DHRS4: variants seen among roughly 807,000 people sequenced by gnomAD.
DHRS4 encodes the protein dehydrogenase/reductase SDR family member 4.
A neutral mutation model predicts 28.4 loss-of-function variants in DHRS4; 20 were observed. That is an observed-to-expected ratio of 0.71 (90% CI 0.50 to 1.02). DHRS4 has a LOEUF of 1.02. DHRS4 is among the 50% of genes least tolerant of loss of function. The pLI, the probability that DHRS4 is intolerant of heterozygous loss-of-function variation, is 0.00. For synonymous variants in DHRS4, 144 were observed against 146.4 expected, an observed-to-expected ratio of 0.98 and a Z score of 0.12; for missense variants, 378 against 367.2, an observed-to-expected ratio of 1.03 and a Z score of -0.24.
intron 2 of DHRS4, among the ~76,000 whole-genome samples, chr14:23,959,385 C>G (rs1445769910): frequency 6.6e-5 from 10 of 152,124 alleles, no homozygotes; most frequent in Non-Finnish European, 1.3e-4. Flanking sequence ...TGGCAAGACC[C>G]TGTCTCTATA....
chr14:23,961,906 G>A (rs543957132), intron 3 of DHRS4, among the ~76,000 whole-genome samples: 23 of 144,216 alleles, frequency 1.6e-4, no homozygotes, highest in Middle Eastern at 3.5e-3. Flanking sequence ...GTACAGGCAC[G>A]CCTCAGAGAT....
At chr14:23,964,885 GTTTT>G (rs1211049100) in intron 3 of DHRS4, among the ~76,000 whole-genome samples, 1 of 144,422 alleles carries the variant, frequency 6.9e-6, no homozygotes, top group African/African-American at 2.6e-5. Context: ...CCCTGAGTTT[GTTTT>G]TTTTTTTTAA....
chr14:23,966,366 T>C lies in DHRS4; in HGVS notation c.615T>C (p.Ile205=). 3 of 1,614,014 alleles carry C rather than the reference T, an allele frequency of 1.9e-6. No individual in the cohort carries two copies. Among genetic ancestry groups the C allele is most frequent in the East Asian group, 2.2e-5 (1 of 44,880 alleles). ...CCATAGAGCTGGCCCCAAGGAACAT[T>C]AGGGTGAACTGCCTAGCACCTGGAC... The part of the protein sequence containing the change: ...TLAIELAPRN[I]RVNCLAPGLI... The change falls in exon 6 of 8, where the codon ATT becomes ATC. Residue 205 remains isoleucine, a synonymous_variant. Coordinates refer to ENST00000313250, the MANE Select transcript of DHRS4 (RefSeq NM_021004.4).
Position 23,960,826 on chromosome 14 carries a change from T to G in DHRS4, c.408+823T>G, listed in dbSNP as rs2146574. Among the ~76,000 whole-genome samples the G allele has an allele frequency of 4.1e-4, 62 of 152,182 alleles. 1 individual carries two copies. Among genetic ancestry groups the G allele is most frequent in the Admixed American group, 1.1e-3 (17 of 15,286 alleles). Reference sequence around the variant, plus strand: ...TGGGCAATTTATAAAGAAAAGAAGTTTGTTTTGGCTTACGATACTGCAGAC... The same window carrying G: ...TGGGCAATTTATAAAGAAAAGAAGTGTGTTTTGGCTTACGATACTGCAGAC... On this transcript the variant is annotated intron_variant, in intron 3 of 7. Coordinates refer to ENST00000313250, the MANE Select transcript of DHRS4 (RefSeq NM_021004.4).
chr14:23,967,084 G>A (rs2033653702), intron 6 of DHRS4, 127 bp from the exon 7 acceptor site: 7 of 912,362 alleles, frequency 7.7e-6, no homozygotes, highest in Non-Finnish European at 9.8e-6. Flanking sequence ...AACCCGGGAG[G>A]CGGAGTTTGC....
At chr14:23,957,334 T>C (rs1460180260) in intron 2 of DHRS4, among the ~76,000 whole-genome samples, 1 of 152,046 alleles carries the variant, frequency 6.6e-6, no homozygotes, top group Non-Finnish European at 1.5e-5. Flanking sequence ...TACCCTGCAA[T>C]GAGAAAAGCC....
chr14:23,959,884 A>T lies in DHRS4; in HGVS notation c.307-18A>T, dbSNP rs11158474. On this transcript the variant is annotated intron_variant, in intron 2 of 7. Coordinates refer to ENST00000313250, the MANE Select transcript of DHRS4 (RefSeq NM_021004.4). ...TTACTTACTGCAGCCCTGGTCCAGA[A>T]CTTACCCCTCTCTCTAGGCTGTGAA... The T allele has an allele frequency of 5.9e-5, 95 of 1,608,028 alleles. No individual in the cohort carries two copies. In the African/African-American group the frequency reaches 1.1e-3, roughly 19 times the overall value.
In DHRS4 at chr14:23,955,195, G is replaced by A; in HGVS notation, c.289G>A (p.Glu97Lys). ...CCATGTGGGGAAGGCGGAGGACCGG[G>A]AGCGGCTGGTGGCCACGGTGAGCTG... ...VCHVGKAEDR[E>K]RLVATAVKLH... Residue 97 changes from glutamate to lysine, a missense_variant, in exon 2 of 8, where the codon GAG becomes AAG. Coordinates refer to ENST00000313250, the MANE Select transcript of DHRS4 (RefSeq NM_021004.4). 6.2e-7 allele frequency: 1 copy of A among 1,613,346 alleles called. No individual in the cohort carries two copies. Among genetic ancestry groups the A allele is most frequent in the Non-Finnish European group, 8.5e-7 (1 of 1,179,604 alleles).
chr14:23,968,620 G>A, intron 7 of DHRS4, 137 bp from the exon 8 acceptor site: 1 of 1,427,080 alleles, frequency 7.0e-7, no homozygotes, highest in Non-Finnish European at 9.5e-7. Context: ...CTATTTGATA[G>A]GCAGAAAGCT....
chr14:23,968,426 G>A lies in DHRS4; in HGVS notation c.723-331G>A, dbSNP rs1408184007. ...CCCTGATACTTTAGTGTGTGCACAT[G>A]TGAAACCATTTTTTTGAAGTATGAA... On this transcript the variant is annotated intron_variant, in intron 7 of 7. Coordinates refer to ENST00000313250, the MANE Select transcript of DHRS4 (RefSeq NM_021004.4). 2.9e-4 allele frequency among the ~76,000 whole-genome samples: 44 copies of A among 150,646 alleles called. 2 individuals carry two copies. The highest frequency in any genetic ancestry group is 2.9e-3 in the Admixed American group (44 of 15,212).
At chr14:23,964,247 A>AAAAAAAAC (rs1566475599) in intron 3 of DHRS4, among the ~76,000 whole-genome samples, 6 of 129,716 alleles carry the variant, frequency 4.6e-5, no homozygotes, top group African/African-American at 2.0e-4. Context: ...AAAAAAAAAA[A>AAAAAAAAC]AAAAAAACAC....
At chr14:23,967,647 C>G in intron 7 of DHRS4, 3 of 343,936 alleles carry the variant, frequency 8.7e-6, no homozygotes, top group Non-Finnish European at 1.6e-5. Flanking sequence ...ATCTACAATC[C>G]AAATGAAAAG....
At chr14:23,954,056 G>A in intron 1 of DHRS4, 140 bp downstream of exon 1, 1 of 1,388,630 alleles carries the variant, frequency 7.2e-7, no homozygotes, top group Admixed American at 2.3e-5. Flanking sequence ...TAGCCACGTG[G>A]TCCGCCTGAA....
intron 2 of DHRS4, among the ~76,000 whole-genome samples, chr14:23,956,823 T>A (rs1417048130): frequency 3.3e-5 from 5 of 152,046 alleles, no homozygotes; most frequent in African/African-American, 4.8e-5. Flanking sequence ...AGGCTGGTCT[T>A]GAACTCCTGA....
intron 7 of DHRS4, chr14:23,967,498 G>A (rs1456380984): frequency 1.0e-5 from 8 of 797,854 alleles, no homozygotes; most frequent in East Asian, 5.4e-5. Flanking sequence ...CAGAGCTCTG[G>A]GAGAAGCCCT....
chr14:23,955,516 G>A (rs1348813330), intron 2 of DHRS4, among the ~76,000 whole-genome samples: 1 of 152,194 alleles, frequency 6.6e-6, no homozygotes, highest in African/African-American at 2.4e-5. Context: ...TCCCACCCAT[G>A]AGTTAATAAA....
Position 23,959,998 on chromosome 14 carries a change from G to A in DHRS4, c.403G>A (p.Asp135Asn), listed in dbSNP as rs1480128156. The A allele has an allele frequency of 1.9e-6, 3 of 1,598,802 alleles. No homozygotes were observed. Among genetic ancestry groups the A allele is most frequent in the East Asian group, 2.2e-5 (1 of 44,794 alleles). ...SIMDVTEEVW[D>N]KTLDINVKAP... ...AATGGATGTCACTGAGGAGGTGTGG[G>A]ACAAGGTGAGAGGGGATTAAAGCAG... Residue 135 changes from aspartate (D) to asparagine (N), a missense_variant, in exon 3 of 8, where the codon GAC becomes AAC. Asp to Asn is a conservative substitution (Grantham distance 23). Coordinates refer to ENST00000313250, the MANE Select transcript of DHRS4 (RefSeq NM_021004.4).
chr14:23,964,123 C>A (rs1594430936), intron 3 of DHRS4, among the ~76,000 whole-genome samples: 1 of 144,872 alleles, frequency 6.9e-6, no homozygotes, highest in Admixed American at 7.1e-5. Context: ...CTGAAATATT[C>A]CAAGAATTAC....
intron 1 of DHRS4, among the ~76,000 whole-genome samples, chr14:23,954,386 T>G (rs1179475787): frequency 6.6e-6 from 1 of 152,200 alleles, no homozygotes; most frequent in Non-Finnish European, 1.5e-5. Flanking sequence ...TCGAGATTTT[T>G]GTTTAGGTCG....
Sources: allele counts gnomAD v4.1 joint callset (sites outside exome capture counted in the v4.1 genomes callset), GRCh38; gene constraint gnomAD v4.1.1; transcripts MANE v1.5; gene names NCBI Gene and HGNC (gene_info 2026-07-23, HGNC 2026-07-21).